RFTN1: variants seen among roughly 807,000 people sequenced by gnomAD.
RFTN1 encodes the protein raftlin, lipid raft linker 1, also known as raftlin.
Under a neutral mutation model 46.5 loss-of-function variants are expected in RFTN1, and 26 were observed. The ratio of observed to expected loss-of-function variants is 0.56; its 90% CI spans 0.41 to 0.78. RFTN1 has a LOEUF of 0.78. Ranked by LOEUF, RFTN1 falls within the 30% of genes least tolerant of loss-of-function variation. The pLI, the probability that RFTN1 is intolerant of heterozygous loss-of-function variation, is 0.00. For missense variants in RFTN1, 693 were observed against 718.7 expected, an observed-to-expected ratio of 0.96 and a Z score of 0.41; for synonymous variants, 261 against 284.2, an observed-to-expected ratio of 0.92 and a Z score of 0.82.
chr3:16,491,367 C>A (rs1466230238), intron 2 of RFTN1, among the ~76,000 whole-genome samples: 1 of 152,180 alleles, frequency 6.6e-6, no homozygotes, highest in Non-Finnish European at 1.5e-5. Context: ...AGAGCTATGT[C>A]ACTCCTGGTG....
intron 2 of RFTN1, among the ~76,000 whole-genome samples, chr3:16,478,716 GCA>G (rs1208135148): frequency 6.6e-6 from 1 of 152,148 alleles, no homozygotes; most frequent in Non-Finnish European, 1.5e-5. Flanking sequence ...CCAAGCTCAT[GCA>G]CACAGTTGTT....
At chr3:16,444,282 A>T (rs1228607418) in intron 2 of RFTN1, among the ~76,000 whole-genome samples, 2 of 152,240 alleles carry the variant, frequency 1.3e-5, no homozygotes, top group Non-Finnish European at 2.9e-5. Context: ...CTAGCCACTA[A>T]TGAGTATGTA....
At chr3:16,482,471 T>C (rs2124972334) in intron 2 of RFTN1, among the ~76,000 whole-genome samples, 1 of 152,214 alleles carries the variant, frequency 6.6e-6, no homozygotes, top group South Asian at 2.1e-4. Context: ...GAATGACCGA[T>C]CACAGCCAAC....
In RFTN1 at chr3:16,320,086, AGTGT is replaced by A. The variant is rs1413870627; in HGVS notation, c.1333-2858_1333-2855del. On this transcript the variant is annotated intron_variant, in intron 9 of 9. Coordinates refer to ENST00000334133, the MANE Select transcript of RFTN1 (RefSeq NM_015150.2). This position sits in a 1 kb window ranked among gnomAD's most constrained non-coding sequence, Gnocchi z 4.5. Reference sequence around the variant, plus strand: ...AAAAAGAAATCCTTCACTTTACAGCAGTGTGTGTCCAGAGTTCCATGTCAGCAGG... The same window carrying A: ...AAAAAGAAATCCTTCACTTTACAGCAGTGTCCAGAGTTCCATGTCAGCAGG... Among the ~76,000 whole-genome samples the A allele has an allele frequency of 1.3e-5, 2 of 152,234 alleles. No homozygotes were observed. The highest frequency in any genetic ancestry group is 4.8e-5 in the African/African-American group (2 of 41,462).
At chr3:16,393,976 G>A (rs1390203700) in intron 4 of RFTN1, among the ~76,000 whole-genome samples, 2 of 151,968 alleles carry the variant, frequency 1.3e-5, no homozygotes, top group African/African-American at 4.8e-5. Context: ...TTTTTAAGGA[G>A]GAAAATAAAT....
chr3:16,389,039 A>T (rs1156649285), intron 4 of RFTN1, among the ~76,000 whole-genome samples: 4 of 152,242 alleles, frequency 2.6e-5, no homozygotes, highest in African/African-American at 9.6e-5. Flanking sequence ...GAATTTAACC[A>T]GGAGCAGATG....
At position 16,452,296 on chromosome 3, in the gene RFTN1, G is replaced by A. The variant is rs2075833629; in HGVS notation, c.146-18259C>T. 6.6e-6 allele frequency among the ~76,000 whole-genome samples: 1 copy of A among 151,992 alleles called. No individual in the cohort carries two copies. The highest frequency in any genetic ancestry group is 1.5e-5 in the Non-Finnish European group (1 of 68,022). On this transcript the variant is annotated intron_variant, in intron 2 of 9. Coordinates refer to ENST00000334133, the MANE Select transcript of RFTN1 (RefSeq NM_015150.2). The surrounding 1 kb of genome is among the most constrained non-coding windows in gnomAD (Gnocchi z 6.3). ...TAAAAAAAAAATAATAGCTGTCAAG[G>A]TAGATGAAGGTAAGGATATAATAGA...
intron 7 of RFTN1, chr3:16,339,752 G>C (rs1286282243): frequency 6.6e-6 from 1 of 152,166 alleles, no homozygotes; most frequent in Non-Finnish European, 1.5e-5. Context: ...CCCTGCACTA[G>C]AACACAAACT....
intron 4 of RFTN1, among the ~76,000 whole-genome samples, chr3:16,394,033 G>A (rs2074413303): frequency 1.3e-5 from 2 of 151,894 alleles, no homozygotes; most frequent in South Asian, 2.1e-4. Context: ...AACAATTTGG[G>A]GTGCTATAGT....
chr3:16,455,296 C>G (rs900329340), intron 2 of RFTN1, among the ~76,000 whole-genome samples: 1 of 152,098 alleles, frequency 6.6e-6, no homozygotes, highest in African/African-American at 2.4e-5. Flanking sequence ...TGAGGAATAC[C>G]AAAGAGGCTT....
chr3:16,396,371 C>T (rs943945769), intron 4 of RFTN1, among the ~76,000 whole-genome samples: 13 of 152,188 alleles, frequency 8.5e-5, no homozygotes, highest in African/African-American at 3.1e-4. Flanking sequence ...TCAGCTAGTG[C>T]ACCTCTTGAG....
chr3:16,427,239 A>G lies in RFTN1; in HGVS notation c.332+6612T>C, dbSNP rs868463904. Among the ~76,000 whole-genome samples the G allele has an allele frequency of 6.6e-6, 1 of 152,158 alleles. No individual in the cohort carries two copies. Among genetic ancestry groups the G allele is most frequent in the African/African-American group, 2.4e-5 (1 of 41,434 alleles). On this transcript the variant is annotated intron_variant, in intron 3 of 9. Transcript: ENST00000334133. The surrounding 1 kb of genome is among the most constrained non-coding windows in gnomAD (Gnocchi z 5.4). ...GTACAAGACCTGGCAACACCTGATAACCATAGGACAGAGCTAAGGCATTGA... is the reference window on the plus strand; with the variant it reads ...GTACAAGACCTGGCAACACCTGATAGCCATAGGACAGAGCTAAGGCATTGA...
rs690258 is a variant in RFTN1 at position 16,384,256 on chromosome 3, T to A, written c.442-6154A>T. ...AGATGTCAGACTTGTTGGCCCCCAC[T>A]ATCACATGAGCCAGTTCCTTAAAAT... On this transcript the variant is annotated intron_variant, in intron 4 of 9. Coordinates refer to ENST00000334133, the MANE Select transcript of RFTN1 (RefSeq NM_015150.2). This position sits in a 1 kb window ranked among gnomAD's most constrained non-coding sequence, Gnocchi z 4.7. 0.55 allele frequency among the ~76,000 whole-genome samples: 83,201 copies of A among 152,094 alleles called. 24,262 individuals carry two copies. Among genetic ancestry groups the A allele is most frequent in the South Asian group, 0.86 (4,163 of 4,822 alleles).
At chr3:16,420,396 C>T (rs1037500189) in intron 3 of RFTN1, among the ~76,000 whole-genome samples, 6 of 152,282 alleles carry the variant, frequency 3.9e-5, no homozygotes, top group African/African-American at 1.4e-4. Context: ...AGCAGTCTGC[C>T]TGACATTTAC....
At position 16,427,342 on chromosome 3, in the gene RFTN1, T is replaced by C. The variant is rs140582582; in HGVS notation, c.332+6509A>G. Among the ~76,000 whole-genome samples, 1 of 152,130 alleles carries C rather than the reference T, an allele frequency of 6.6e-6. No homozygotes were observed. The highest frequency in any genetic ancestry group is 1.5e-5 in the Non-Finnish European group (1 of 68,028). On this transcript the variant is annotated intron_variant, in intron 3 of 9. Transcript: ENST00000334133. The surrounding 1 kb of genome is among the most constrained non-coding windows in gnomAD (Gnocchi z 5.4). The stretch of plus-strand genomic sequence containing the variant: ...TGAGCTTGCAAGCCCTGTCTTAGAA[T>C]AAAGACAGAGTCTTCAGAATTTTAG...
intron 5 of RFTN1, among the ~76,000 whole-genome samples, 176 bp downstream of exon 5, chr3:16,377,538 TTCAG>T (rs2073823730): frequency 6.6e-6 from 1 of 152,204 alleles, no homozygotes; most frequent in African/African-American, 2.4e-5. Context: ...AAGTCATAAC[TTCAG>T]TAAGTAAACA....
Position 16,480,173 on chromosome 3 carries a change from A to G in RFTN1, c.145+13552T>C, listed in dbSNP as rs969179055. On this transcript the variant is annotated intron_variant, in intron 2 of 9. Transcript: ENST00000334133. This position sits in a 1 kb window ranked among gnomAD's most constrained non-coding sequence, Gnocchi z 4.3. The stretch of plus-strand genomic sequence containing the variant: ...CAAGACTGCTTTCTCCAAAAAGAAA[A>G]GTCCACCCACAAGCTTGCCAGCTCC... 6.6e-6 allele frequency among the ~76,000 whole-genome samples: 1 copy of G among 152,256 alleles called. No homozygotes were observed. The highest frequency in any genetic ancestry group is 1.5e-5 in the Non-Finnish European group (1 of 68,044).
intron 2 of RFTN1, among the ~76,000 whole-genome samples, chr3:16,445,427 G>GTC (rs1358460926): frequency 1.4e-5 from 2 of 144,678 alleles, no homozygotes; most frequent in East Asian, 2.0e-4. Flanking sequence ...CCCCCACTCT[G>GTC]TCTCTCTCTC....
chr3:16,446,414 T>C lies in RFTN1; in HGVS notation c.146-12377A>G, dbSNP rs2075730256. 6.6e-6 allele frequency among the ~76,000 whole-genome samples: 1 copy of C among 151,780 alleles called. No individual in the cohort carries two copies. Among genetic ancestry groups the C allele is most frequent in the Non-Finnish European group, 1.5e-5 (1 of 67,988 alleles). Reference sequence around the variant, plus strand: ...ATCACCACCATCTATCTCCAGGAAATCTTCATCGGCCTCATCTCTCGGTCC... The same window carrying C: ...ATCACCACCATCTATCTCCAGGAAACCTTCATCGGCCTCATCTCTCGGTCC... On this transcript the variant is annotated intron_variant, in intron 2 of 9. Coordinates refer to ENST00000334133, the MANE Select transcript of RFTN1 (RefSeq NM_015150.2). This position sits in a 1 kb window ranked among gnomAD's most constrained non-coding sequence, Gnocchi z 4.5.
Sources: allele counts gnomAD v4.1 joint callset (sites outside exome capture counted in the v4.1 genomes callset), GRCh38; gene constraint gnomAD v4.1.1; non-coding constraint Gnocchi (gnomAD v3.1); transcripts MANE v1.5; gene names NCBI Gene and HGNC (gene_info 2026-07-23, HGNC 2026-07-21).